JADE3: variants seen among roughly 807,000 people sequenced by gnomAD.
JADE3 encodes protein Jade-3.
In JADE3, 2 loss-of-function variants were observed where a neutral mutation model predicts 50.1. That is an observed-to-expected ratio of 0.04 (90% CI 0.02 to 0.13). JADE3 has a LOEUF of 0.13. Ranked by LOEUF, JADE3 falls within the 10% of genes least tolerant of loss-of-function variation. JADE3 has a pLI of 1.00. For missense variants in JADE3, 475 were observed against 634.4 expected (o/e 0.75, Z 2.70); for synonymous variants, 218 against 232.9 (o/e 0.94, Z 0.58).
At chrX:47,054,009 C>A (rs1425598412) in intron 8 of JADE3, 149 bp from the exon 9 acceptor site, 3 of 403,366 alleles carry the variant, frequency 7.4e-6, no homozygotes, top group Non-Finnish European at 1.3e-5. Context: ...TCTTGGGTTA[C>A]TTGTAAAGCA....
intron 1 of JADE3, among the ~76,000 whole-genome samples, chrX:46,964,494 A>C (rs1302131830): frequency 8.9e-6 from 1 of 111,986 alleles, no homozygotes; most frequent in Non-Finnish European, 1.9e-5. Flanking sequence ...AAGCCCAGCC[A>C]TCCCAGTCAA....
Position 47,024,777 on chromosome X carries a change from T to G in JADE3, c.338T>G (p.Ile113Ser). ...CTGTTTATCCGACCCCGGAAGTATATTCACTGCTCCAGCCCAGACACCACA... is the reference window on the plus strand; with the variant it reads ...CTGTTTATCCGACCCCGGAAGTATAGTCACTGCTCCAGCCCAGACACCACA... ...DVLFIRPRKYIHCSSPDTTEP... is the reference protein window; with the variant it reads ...DVLFIRPRKYSHCSSPDTTEP... The change falls in exon 5 of 11, where the codon ATT becomes AGT. Residue 113 changes from isoleucine (I) to serine (S), a missense_variant. Ile to Ser is a moderately radical substitution (Grantham distance 142). This residue lies in a region of JADE3 where 54 missense variants were observed against 51.8 expected (regional missense o/e 1.04). Coordinates refer to ENST00000614628, the MANE Select transcript of JADE3 (RefSeq NM_014735.5). 1.7e-6 allele frequency: 2 copies of G among 1,199,847 alleles called. No individual in the cohort carries two copies. The highest frequency in any genetic ancestry group is 2.3e-6 in the Non-Finnish European group (2 of 885,585).
intron 4 of JADE3, among the ~76,000 whole-genome samples, chrX:47,017,287 G>A (rs1928695586): frequency 8.9e-6 from 1 of 111,867 alleles, no homozygotes; most frequent in South Asian, 3.7e-4. Context: ...TTTTTCGACA[G>A]TGAGTTCAAC....
chrX:47,042,012 GAGAC>G (rs1929271163), intron 8 of JADE3, among the ~76,000 whole-genome samples: 1 of 108,192 alleles, frequency 9.2e-6, no homozygotes, highest in Non-Finnish European at 1.9e-5. Context: ...TTTTTAAAGA[GAGAC>G]AGAGCCTTGC....
rs368183649 is a variant in JADE3 at position 47,024,036 on chromosome X, G to A, written c.285-688G>A. On this transcript the variant is annotated intron_variant, in intron 4 of 10. Transcript: ENST00000614628. ...TTTACCACCATCCAGTATTGTCTCCGTGACAGAAAATTATTAATTTGGCTG... is the reference window on the plus strand; with the variant it reads ...TTTACCACCATCCAGTATTGTCTCCATGACAGAAAATTATTAATTTGGCTG... Among the ~76,000 whole-genome samples the A allele has an allele frequency of 1.4e-4, 16 of 112,794 alleles. No homozygotes were observed. In the South Asian group the frequency reaches 2.6e-3, roughly 18 times the overall value.
At chrX:46,929,617 A>G (rs782392525) in intron 1 of JADE3, among the ~76,000 whole-genome samples, 1 of 111,900 alleles carries the variant, frequency 8.9e-6, no homozygotes, top group African/African-American at 3.2e-5. Flanking sequence ...CCACTAGGCT[A>G]CCACTGACCT....
chrX:47,050,253 T>G (rs1399413366), intron 8 of JADE3, among the ~76,000 whole-genome samples: 2 of 111,971 alleles, frequency 1.8e-5, no homozygotes, highest in Non-Finnish European at 3.8e-5. Flanking sequence ...TCTTTTAAAT[T>G]GCAATTTTTA....
chrX:46,988,783 A>G (rs1927918115), intron 3 of JADE3, among the ~76,000 whole-genome samples: 1 of 112,615 alleles, frequency 8.9e-6, no homozygotes, highest in South Asian at 3.6e-4. Context: ...ACCACTGTGA[A>G]TTCTTTCTTC....
chrX:46,959,397 C>G (rs980476977), intron 1 of JADE3, among the ~76,000 whole-genome samples: 2 of 112,088 alleles, frequency 1.8e-5, no homozygotes, highest in Admixed American at 1.9e-4. Flanking sequence ...AGCCCTGATT[C>G]ATTCTTCATT....
At chrX:47,029,867 T>C (rs1259268316) in intron 6 of JADE3, among the ~76,000 whole-genome samples, 10 of 111,719 alleles carry the variant, frequency 9.0e-5, no homozygotes, top group Non-Finnish European at 9.4e-5. Context: ...ATTCCAAAAT[T>C]ATAAAGTTCT....
intron 4 of JADE3, 101 bp downstream of exon 4, chrX:46,998,378 C>A: frequency 1.4e-6 from 1 of 729,106 alleles, no homozygotes; most frequent in Non-Finnish European, 2.1e-6. Flanking sequence ...ATTTATAGTA[C>A]AAAGTCACAT....
chrX:46,948,819 A>G (rs781851195), intron 1 of JADE3, among the ~76,000 whole-genome samples: 1 of 112,026 alleles, frequency 8.9e-6, no homozygotes, highest in African/African-American at 3.2e-5. Flanking sequence ...CCTTTCTTCT[A>G]CCGCAGGGGT....
At chrX:47,035,807 C>T (rs782196717) in intron 7 of JADE3, among the ~76,000 whole-genome samples, 3 of 111,313 alleles carry the variant, frequency 2.7e-5, no homozygotes, top group Non-Finnish European at 5.7e-5. Context: ...TTGCTTGACC[C>T]CTTATTTTCA....
At chrX:46,973,588 A>G (rs1556350943) in intron 1 of JADE3, among the ~76,000 whole-genome samples, 1 of 112,368 alleles carries the variant, frequency 8.9e-6, no homozygotes, top group East Asian at 2.8e-4. Flanking sequence ...TGAAAGATAC[A>G]CAAGATGAAC....
chrX:47,016,789 G>A (rs782509185), intron 4 of JADE3, among the ~76,000 whole-genome samples: 8 of 109,682 alleles, frequency 7.3e-5, no homozygotes, highest in Admixed American at 2.0e-4. Flanking sequence ...TGATGAGCTG[G>A]AACTACAGGC....
chrX:47,026,259 T>C (rs1239778241), intron 5 of JADE3, among the ~76,000 whole-genome samples: 3 of 112,463 alleles, frequency 2.7e-5, no homozygotes, highest in Non-Finnish European at 5.6e-5. Context: ...ATTATGAGGT[T>C]CCTTTGGTAT....
At chrX:46,920,569 G>A (rs1416923970) in intron 1 of JADE3, among the ~76,000 whole-genome samples, 1 of 112,560 alleles carries the variant, frequency 8.9e-6, no homozygotes, top group Admixed American at 9.3e-5. Flanking sequence ...GTTTATTGGG[G>A]TAAATACGTA....
intron 1 of JADE3, among the ~76,000 whole-genome samples, chrX:46,971,657 G>A (rs1208046429): frequency 1.9e-5 from 2 of 107,232 alleles, no homozygotes; most frequent in Admixed American, 1.0e-4. Flanking sequence ...TTAGCCGGGC[G>A]TGGTGGCGGG....
intron 3 of JADE3, among the ~76,000 whole-genome samples, chrX:46,992,100 G>A (rs1258499969): frequency 9.0e-6 from 1 of 110,940 alleles, no homozygotes. Flanking sequence ...CTTTTTGCCC[G>A]TTAGGTAACA....
Sources: gnomAD v4.1 joint callset for allele counts (sites outside exome capture counted in the v4.1 genomes callset) on GRCh38, gnomAD v4.1.1 for gene constraint, gnomAD v4.1.1 regional missense constraint, MANE v1.5 for transcripts, NCBI Gene and HGNC (gene_info 2026-07-23, HGNC 2026-07-21) for gene names.